Variants in NRIP3 observed in about 807,000 individuals in gnomAD.
The protein encoded by NRIP3 is nuclear receptor-interacting protein 3.
NRIP3 carries 31 observed loss-of-function variants against 29.0 expected under a neutral mutation model. The ratio of observed to expected loss-of-function variants is 1.07; its 90% confidence interval spans 0.80 to 1.44. NRIP3 has a LOEUF of 1.44. Ranked by LOEUF, NRIP3 falls within the 40% of genes most tolerant of loss-of-function variation. The pLI is 0.00. For synonymous variants in NRIP3, 131 were observed against 118.3 expected (o/e 1.11, Z -0.70); for missense variants, 314 against 297.9 (o/e 1.05, Z -0.40).
chr11:8,992,331 A>C (rs1854619922), intron 1 of NRIP3, among the ~76,000 whole-genome samples: 1 of 152,186 alleles, frequency 6.6e-6, no homozygotes, highest in African/African-American at 2.4e-5. Flanking sequence ...AGGCTTTCAG[A>C]TTTCGAGAAC....
intron 1 of NRIP3, among the ~76,000 whole-genome samples, chr11:8,996,798 T>G (rs1242264122): frequency 1.3e-5 from 2 of 152,218 alleles, no homozygotes; most frequent in African/African-American, 4.8e-5. Flanking sequence ...CTCTTGCCTA[T>G]AATCCCAGCA....
intron 1 of NRIP3, among the ~76,000 whole-genome samples, chr11:9,002,620 G>GAAAAAAAAAAAAAAAAAAAAAA (rs1555232137): frequency 8.8e-6 from 1 of 113,130 alleles, no homozygotes. Flanking sequence ...AAAAAAAAAG[G>GAAAAAAAAAAAAAAAAAAAAAA]AAATGGATGC....
At chr11:8,989,545 T>C (rs1024407363) in intron 1 of NRIP3, among the ~76,000 whole-genome samples, 4 of 152,212 alleles carry the variant, frequency 2.6e-5, no homozygotes, top group East Asian at 1.9e-4. Context: ...CCATGACTCA[T>C]TGTAACCCTA....
At position 8,988,193 on chromosome 11, in the gene NRIP3, C is replaced by T. The variant is rs150007282; in HGVS notation, c.264G>A (p.Thr88=). 1.6e-4 allele frequency: 255 copies of T among 1,614,028 alleles called. No homozygotes were observed. Among genetic ancestry groups the T allele is most frequent in the Non-Finnish European group, 2.0e-4 (237 of 1,180,028 alleles). Reference sequence around the variant, plus strand: ...CAGACTTAGCCTGATTGAGTTTGTTCGTCTTAGAGGCCCAAGGGACACGGG... The same window carrying T: ...CAGACTTAGCCTGATTGAGTTTGTTTGTCTTAGAGGCCCAAGGGACACGGG... ...SGPRVPWASK[T]NKLNQAKSEG... Residue 88 remains threonine, a synonymous_variant, in exon 2 of 7, where the codon ACG becomes ACA. Coordinates refer to ENST00000309166, the MANE Select transcript of NRIP3 (RefSeq NM_020645.3).
At chr11:8,998,300 C>CTTCT (rs1223126105) in intron 1 of NRIP3, among the ~76,000 whole-genome samples, 1 of 152,188 alleles carries the variant, frequency 6.6e-6, no homozygotes, top group Non-Finnish European at 1.5e-5. Flanking sequence ...TGCCCCAGGC[C>CTTCT]TTCTGTGTTC....
At chr11:9,003,275 G>C (rs1263656070) in intron 1 of NRIP3, among the ~76,000 whole-genome samples, 1 of 152,154 alleles carries the variant, frequency 6.6e-6, no homozygotes, top group African/African-American at 2.4e-5. Context: ...AGAGAAGTGG[G>C]TTTTGCATAG....
At chr11:8,987,998 G>T in intron 2 of NRIP3, 120 bp downstream of exon 2, 1 of 858,648 alleles carries the variant, frequency 1.2e-6, no homozygotes, top group Non-Finnish European at 1.9e-6. Context: ...GTTGCATGGA[G>T]TGCCCCTTTT....
intron 1 of NRIP3, among the ~76,000 whole-genome samples, chr11:8,992,898 C>T (rs560226073): frequency 4.0e-5 from 6 of 148,802 alleles, no homozygotes; most frequent in South Asian, 4.3e-4. Context: ...GGTGACACAG[C>T]GAGACTCCGT....
chr11:8,993,986 C>T (rs1854656509), intron 1 of NRIP3, among the ~76,000 whole-genome samples: 1 of 151,192 alleles, frequency 6.6e-6, no homozygotes, highest in East Asian at 1.9e-4. Context: ...AAAAATATAC[C>T]CCATGTAGCA....
chr11:8,996,306 G>A (rs1189049513), intron 1 of NRIP3, among the ~76,000 whole-genome samples: 2 of 105,200 alleles, frequency 1.9e-5, no homozygotes, highest in Non-Finnish European at 3.6e-5. Context: ...TTTTGAGATG[G>A]AGTCTCACTC....
In NRIP3 at chr11:8,982,242, G is replaced by A. The variant is rs1375644668; in HGVS notation, c.*1303C>T. 6.6e-6 allele frequency: 1 copy of A among 152,208 alleles called. No homozygotes were observed. The highest frequency in any genetic ancestry group is 2.4e-5 in the African/African-American group (1 of 41,440). 9.4% of individuals were successfully genotyped at this position (152,208 alleles called of 1,614,324 possible). A position where few individuals can be genotyped will look rare whatever the true frequency, so the allele number is the denominator to read the frequency against. On this transcript the variant is annotated 3_prime_UTR_variant, in exon 7 of 7. Coordinates refer to ENST00000309166, the MANE Select transcript of NRIP3 (RefSeq NM_020645.3). The stretch of plus-strand genomic sequence containing the variant: ...TGTATTCTCCCCAACCTTTGACAGG[G>A]GTCAGGAAATACTGGGCAGTTATAA...
At chr11:8,986,149 C>T (rs1854519892) in intron 3 of NRIP3, among the ~76,000 whole-genome samples, 4 of 152,198 alleles carry the variant, frequency 2.6e-5, no homozygotes, top group African/African-American at 4.8e-5. Flanking sequence ...CTACTATCCC[C>T]ACTATTGTGT....
chr11:8,984,261 TA>T (rs1332349571), intron 4 of NRIP3, 137 bp from the exon 5 acceptor site: 8 of 538,352 alleles, frequency 1.5e-5, no homozygotes, highest in Admixed American at 3.4e-5. Flanking sequence ...ATTTTTTTTT[TA>T]TTTTTTTTTT....
chr11:8,986,821 C>T (rs1251475998), intron 3 of NRIP3, among the ~76,000 whole-genome samples: 1 of 152,110 alleles, frequency 6.6e-6, no homozygotes. Context: ...GAGTTGAAAA[C>T]CATCCTGGGC....
intron 1 of NRIP3, among the ~76,000 whole-genome samples, chr11:9,000,518 T>C (rs1854774790): frequency 1.3e-5 from 2 of 152,204 alleles, no homozygotes; most frequent in South Asian, 4.1e-4. Context: ...CATTTAGCTA[T>C]GATCAGAAGC....
chr11:8,996,793 G>A (rs1320768201), intron 1 of NRIP3, among the ~76,000 whole-genome samples: 1 of 152,218 alleles, frequency 6.6e-6, no homozygotes, highest in Non-Finnish European at 1.5e-5. Flanking sequence ...ACTGGCTCTT[G>A]CCTATAATCC....
rs144464468 is a variant in NRIP3, at chr11:9,001,114, T to A, written c.174+2648A>T. 2.6e-3 allele frequency among the ~76,000 whole-genome samples: 390 copies of A among 152,290 alleles called. 3 individuals carry two copies. Among genetic ancestry groups the A allele is most frequent in the Non-Finnish European group, 1.8e-3 (125 of 68,022 alleles). On this transcript the variant is annotated intron_variant, in intron 1 of 6. Transcript: ENST00000309166. The stretch of plus-strand genomic sequence containing the variant: ...TATTACTCACTCATATCTCTGGTTT[T>A]AGTTCTTAATCTAATACAGAATGAA...
At chr11:8,993,844 A>C (rs1338935972) in intron 1 of NRIP3, among the ~76,000 whole-genome samples, 1 of 151,602 alleles carries the variant, frequency 6.6e-6, no homozygotes, top group Admixed American at 6.6e-5. Context: ...GACTAGATAG[A>C]TAGTGATGAA....
chr11:9,002,122 C>T (rs1337705519), intron 1 of NRIP3, among the ~76,000 whole-genome samples: 1 of 152,084 alleles, frequency 6.6e-6, no homozygotes, highest in Admixed American at 6.5e-5. Flanking sequence ...AGGTAGCTCT[C>T]AGGGCTAGGA....
Sources: gnomAD v4.1 joint callset for allele counts (sites outside exome capture counted in the v4.1 genomes callset) on GRCh38, gnomAD v4.1.1 for gene constraint, MANE v1.5 for transcripts, NCBI Gene and HGNC (gene_info 2026-07-23, HGNC 2026-07-21) for gene names.